ELAVL4: variants seen among roughly 807,000 people sequenced by gnomAD.
ELAVL4 encodes ELAV-like protein 4.
ELAVL4 carries 1 observed loss-of-function variant against 35.6 expected under a neutral mutation model. That is an observed-to-expected ratio of 0.03 (90% confidence interval 0.01 to 0.13). ELAVL4 has a LOEUF of 0.13. Ranked by LOEUF, ELAVL4 falls within the 10% of genes least tolerant of loss-of-function variation. The pLI is 1.00. For synonymous variants in ELAVL4, 156 were observed against 171.0 expected, an observed-to-expected ratio of 0.91 and a Z score of 0.69; for missense variants, 267 against 464.9, an observed-to-expected ratio of 0.57 and a Z score of 3.91.
chr1:50,141,400 G>C (rs1196995322), intron 1 of ELAVL4, among the ~76,000 whole-genome samples: 1 of 152,144 alleles, frequency 6.6e-6, no homozygotes, highest in Non-Finnish European at 1.5e-5. Flanking sequence ...CTCCTGAATG[G>C]ATAAATTCTG....
intron 1 of ELAVL4, among the ~76,000 whole-genome samples, chr1:50,133,599 A>AAAAGAAAGAAAGAAAG (rs56304409): frequency 0.031 from 4,036 of 129,148 alleles, 99 homozygotes; most frequent in East Asian, 0.043. Context: ...AGAAAGAAAG[A>AAAAGAAAGAAAGAAAG]AAAGAAAGAA....
intron 3 of ELAVL4, among the ~76,000 whole-genome samples, chr1:50,177,740 G>A (rs529379934): frequency 6.6e-6 from 1 of 152,134 alleles, no homozygotes; most frequent in Non-Finnish European, 1.5e-5. Context: ...GACTCGAAAA[G>A]GGAGCATCAG....
At chr1:50,108,875 G>A (rs567052526), upstream of ELAVL4, 110 of 1,030,830 alleles carry the variant, frequency 1.1e-4, no homozygotes, top group African/African-American at 1.4e-3. Context: ...TCCAGGCTTC[G>A]GCTGACAGAT....
intron 1 of ELAVL4, among the ~76,000 whole-genome samples, chr1:50,096,289 G>C (rs1348244950): frequency 6.6e-6 from 1 of 151,346 alleles, no homozygotes; most frequent in Non-Finnish European, 1.5e-5. Context: ...GTTCTGTGGA[G>C]TCAGAAAGAA....
At chr1:50,060,969 A>G (rs917098405) in intron 1 of ELAVL4, among the ~76,000 whole-genome samples, 4 of 152,246 alleles carry the variant, frequency 2.6e-5, no homozygotes, top group African/African-American at 9.6e-5. Context: ...AATATCCAGC[A>G]CAGAGTATCT....
At position 50,087,691 on chromosome 1, in the gene ELAVL4, G is replaced by A. The variant is rs181599309; in HGVS notation, c.18+39509G>A. On this transcript the variant is annotated intron_variant, in intron 1 of 6. Coordinates refer to the ELAVL4 transcript ENST00000448907. ...TAGGGGGTAATTAAGGTTAAATGAG[G>A]TTATAAGGGTAGGGTCCTAGTCTGA... Among the ~76,000 whole-genome samples, 66 of 152,212 alleles carry A rather than the reference G, an allele frequency of 4.3e-4. No homozygotes were observed. The East Asian group carries it at 0.012, about 27-fold the overall frequency.
chr1:50,064,522 A>G (rs577243968), intron 1 of ELAVL4, among the ~76,000 whole-genome samples: 9 of 152,310 alleles, frequency 5.9e-5, no homozygotes, highest in African/African-American at 2.2e-4. Flanking sequence ...ACTTCTGGAT[A>G]TGTTGGAACT....
intron 3 of ELAVL4, among the ~76,000 whole-genome samples, chr1:50,184,532 C>G (rs1328806534): frequency 6.6e-6 from 1 of 152,114 alleles, no homozygotes; most frequent in Non-Finnish European, 1.5e-5. Flanking sequence ...TTCTCGGCTT[C>G]ATATTTTAAA....
At chr1:50,122,838 T>C (rs1363618884) in intron 1 of ELAVL4, among the ~76,000 whole-genome samples, 2 of 152,114 alleles carry the variant, frequency 1.3e-5, no homozygotes, top group African/African-American at 4.8e-5. Context: ...TTCAAGCAAG[T>C]TATATTACCT....
intron 3 of ELAVL4, among the ~76,000 whole-genome samples, chr1:50,189,104 G>A (rs1260344975): frequency 6.6e-6 from 1 of 152,160 alleles, no homozygotes; most frequent in Admixed American, 6.5e-5. Flanking sequence ...ATTTTCTGGG[G>A]CTAAAAAGGA....
intron 3 of ELAVL4, 102 bp from the exon 4 acceptor site, chr1:50,193,663 G>A: frequency 7.1e-7 from 1 of 1,408,644 alleles, no homozygotes; most frequent in Non-Finnish European, 9.6e-7. Context: ...GACACCATGA[G>A]TTGTAACGGT....
At chr1:50,153,449 T>A (rs1035316647) in intron 2 of ELAVL4, among the ~76,000 whole-genome samples, 9 of 152,218 alleles carry the variant, frequency 5.9e-5, no homozygotes, top group African/African-American at 2.2e-4. Flanking sequence ...TGAGTGGGGT[T>A]AGGGCATCTG....
intron 1 of ELAVL4, among the ~76,000 whole-genome samples, chr1:50,062,051 G>GTGTTCTTCATCATGTTTTTAACC (rs1664008779): frequency 6.6e-6 from 1 of 152,162 alleles, no homozygotes; most frequent in African/African-American, 2.4e-5. Flanking sequence ...GTGAGTTTCA[G>GTGTTCTTCATCATGTTTTTAACC]TGTTCTTCAT....
intron 1 of ELAVL4, among the ~76,000 whole-genome samples, chr1:50,082,609 CT>C (rs984463664): frequency 6.6e-6 from 1 of 152,000 alleles, no homozygotes; most frequent in Non-Finnish European, 1.5e-5. Context: ...CAAAAATTTT[CT>C]CCTATTCTGT....
chr1:50,090,685 C>T (rs1665452120), intron 1 of ELAVL4, among the ~76,000 whole-genome samples: 1 of 152,108 alleles, frequency 6.6e-6, no homozygotes, highest in African/African-American at 2.4e-5. Context: ...CCTTTGTACC[C>T]TTTGCATCTA....
At chr1:50,165,199 T>C (rs1183091019) in intron 2 of ELAVL4, among the ~76,000 whole-genome samples, 1 of 152,132 alleles carries the variant, frequency 6.6e-6, no homozygotes, top group Non-Finnish European at 1.5e-5. Flanking sequence ...TCACATTCAC[T>C]TGTGCCACTG....
At chr1:50,058,395 A>G (rs1344132867) in intron 1 of ELAVL4, among the ~76,000 whole-genome samples, 1 of 152,182 alleles carries the variant, frequency 6.6e-6, no homozygotes, top group Non-Finnish European at 1.5e-5. Flanking sequence ...CCAAACCACA[A>G]AAAAATTAAA....
intron 1 of ELAVL4, among the ~76,000 whole-genome samples, chr1:50,134,534 T>C (rs545523101): frequency 6.6e-6 from 1 of 152,246 alleles, no homozygotes; most frequent in African/African-American, 2.4e-5. Flanking sequence ...TGGGAAGAAA[T>C]TGTTTTCCAA....
intron 1 of ELAVL4, among the ~76,000 whole-genome samples, chr1:50,094,911 C>T (rs748727533): frequency 5.9e-5 from 9 of 151,892 alleles, no homozygotes; most frequent in African/African-American, 1.5e-4. Context: ...TCCTGGGCGA[C>T]GGAGTGAGAC....
Sources: gnomAD v4.1 joint callset for allele counts (sites outside exome capture counted in the v4.1 genomes callset) on GRCh38, gnomAD v4.1.1 for gene constraint, MANE v1.5 for transcripts, NCBI Gene and HGNC (gene_info 2026-07-23, HGNC 2026-07-21) for gene names.